Variants in OR3A1 observed in about 807,000 individuals in gnomAD.
OR3A1 encodes olfactory receptor family 3 subfamily A member 1.
For synonymous variants in OR3A1, 145 were observed against 160.0 expected (o/e 0.91, Z 0.71); for missense variants, 402 against 393.8 (o/e 1.02, Z -0.18).
At position 3,291,018 on chromosome 17, in the gene OR3A1, G is replaced by C. The variant is rs2048860521; in HGVS notation, c.*617C>G. The C allele has an allele frequency of 6.6e-6, 1 of 152,204 alleles. No homozygotes were observed. Among genetic ancestry groups the C allele is most frequent in the South Asian group, 2.1e-4 (1 of 4,830 alleles). 9.4% of individuals were successfully genotyped at this position (152,204 alleles called of 1,614,324 possible). ...TTAGCATTTGGAAACAAGTCTGTGA[G>C]CTGCACACAGGTATCAGGTGCTCCA... On this transcript the variant is annotated 3_prime_UTR_variant, in exon 2 of 2. Coordinates refer to ENST00000323404, the MANE Select transcript of OR3A1 (RefSeq NM_002550.3).
At position 3,291,739 on chromosome 17, in the gene OR3A1, T is replaced by C. The variant is rs553536558; in HGVS notation, c.844A>G (p.Thr282Ala). 37 of 1,613,800 alleles carry C rather than the reference T, an allele frequency of 2.3e-5. No individual in the cohort carries two copies. In the Middle Eastern group the frequency reaches 6.6e-4, roughly 29 times the overall value. Residue 282 changes from threonine (T) to alanine (A), a missense_variant, in exon 2 of 2, where the codon ACT becomes GCT. Physicochemically the swap from Thr to Ala is moderately conservative, Grantham distance 58. Coordinates refer to ENST00000323404, the MANE Select transcript of OR3A1 (RefSeq NM_002550.3). ...GGGTTCAGCATGGGATTGATGACAGTGTTGAAAATTCCAACAGCTTTATCC... is the reference window on the plus strand; with the variant it reads ...GGGTTCAGCATGGGATTGATGACAGCGTTGAAAATTCCAACAGCTTTATCC... ...DKDKAVGIFN[T>A]VINPMLNPII...
intron 1 of OR3A1, among the ~76,000 whole-genome samples, chr17:3,295,616 G>C (rs992647229): frequency 6.6e-6 from 1 of 151,776 alleles, no homozygotes; most frequent in African/African-American, 2.4e-5. Context: ...AAGCCGAGTG[G>C]GCCAAGCTCA....
In OR3A1 at chr17:3,292,309, T is replaced by C; in HGVS notation, c.274A>G (p.Lys92Glu). The change falls in exon 2 of 2, where the codon AAG (lysine) becomes GAG (glutamate). Residue 92 changes from lysine (K) to glutamate (E), a missense_variant. Physicochemically the swap from Lys to Glu is moderately conservative, Grantham distance 56 (BLOSUM62 1). Coordinates refer to ENST00000323404, the MANE Select transcript of OR3A1 (RefSeq NM_002550.3). ...PSMLSRLLSR[K>E]RAVPCGACLT... Reference sequence around the variant, plus strand: ...CAGGCCCCACAGGGAACTGCACGCTTGCGGGACAGGAGACGACTCAACATT... The same window carrying C: ...CAGGCCCCACAGGGAACTGCACGCTCGCGGGACAGGAGACGACTCAACATT... 6.2e-7 allele frequency: 1 copy of C among 1,613,816 alleles called. No homozygotes were observed. Among genetic ancestry groups the C allele is most frequent in the Non-Finnish European group, 8.5e-7 (1 of 1,179,948 alleles).
chr17:3,294,485 A>G (rs2048904311), intron 1 of OR3A1, among the ~76,000 whole-genome samples: 1 of 152,174 alleles, frequency 6.6e-6, no homozygotes, highest in African/African-American at 2.4e-5. Flanking sequence ...GAGTTACCAA[A>G]GGAGGAAATC....
rs61736316 is a variant in OR3A1 at position 3,292,305 on chromosome 17, C to G, written c.278G>C (p.Arg93Pro). ...SMLSRLLSRK[R>P]AVPCGACLTQ... ...AAGGCAGGCCCCACAGGGAACTGCA[C>G]GCTTGCGGGACAGGAGACGACTCAA... is the stretch of plus-strand genomic sequence containing the variant. Residue 93 changes from arginine (R) to proline (P), a missense_variant, in exon 2 of 2, where the codon CGT (arginine) becomes CCT (proline). Arg to Pro is a moderately radical substitution (Grantham distance 103, BLOSUM62 -2). Coordinates refer to ENST00000323404, the MANE Select transcript of OR3A1 (RefSeq NM_002550.3). 2 of 1,613,936 alleles carry G rather than the reference C, an allele frequency of 1.2e-6. No homozygotes were observed. The highest frequency in any genetic ancestry group is 2.7e-5 in the African/African-American group (2 of 74,880).
chr17:3,292,258 G>A lies in OR3A1; in HGVS notation c.325C>T (p.Leu109=). ...AGGAAGCAGTCCACTCCAACGAACA[G>A]ATGGAAGAAGAAGAGCTGGGTAAGG... ...ACLTQLFFFH[L]FVGVDCFLLT... Residue 109 remains leucine, a synonymous_variant, in exon 2 of 2, where the codon CTG becomes TTG. Transcript: ENST00000323404. The A allele has an allele frequency of 6.2e-7, 1 of 1,614,208 alleles. No individual in the cohort carries two copies. The highest frequency in any genetic ancestry group is 1.6e-4 in the Middle Eastern group (1 of 6,062).
intron 1 of OR3A1, among the ~76,000 whole-genome samples, chr17:3,296,956 C>T (rs2048923653): frequency 6.6e-6 from 1 of 152,216 alleles, no homozygotes; most frequent in African/African-American, 2.4e-5. Context: ...ATGGAAGGGG[C>T]ATAACATCTG....
chr17:3,295,739 C>T (rs758626846), intron 1 of OR3A1, among the ~76,000 whole-genome samples: 2 of 151,558 alleles, frequency 1.3e-5, no homozygotes, highest in Non-Finnish European at 2.9e-5. Flanking sequence ...TAAAGGAATA[C>T]CAGTCAGATG....
intron 1 of OR3A1, 104 bp from the exon 2 acceptor site, chr17:3,292,692 G>A (rs762863687): frequency 4.3e-5 from 40 of 919,650 alleles, no homozygotes; most frequent in Middle Eastern, 3.4e-4. Flanking sequence ...CCTCTGCCAC[G>A]TTCCCTCTGT....
chr17:3,294,782 G>T (rs1214817565), intron 1 of OR3A1, among the ~76,000 whole-genome samples: 1 of 152,140 alleles, frequency 6.6e-6, no homozygotes, highest in Non-Finnish European at 1.5e-5. Context: ...ATGTAATGAA[G>T]AACATGCCTG....
intron 1 of OR3A1, among the ~76,000 whole-genome samples, chr17:3,294,993 CTT>C (rs2048907920): frequency 6.6e-6 from 1 of 151,644 alleles, no homozygotes; most frequent in Admixed American, 6.6e-5. Flanking sequence ...AAGAAACAGA[CTT>C]CAGTCAACAA....
chr17:3,292,319 G>C lies in OR3A1; in HGVS notation c.264C>G (p.Leu88=). The change falls in exon 2 of 2, where the codon CTC becomes CTG. Residue 88 remains leucine, a synonymous_variant. Transcript: ENST00000323404. ...AGGGAACTGCACGCTTGCGGGACAG[G>C]AGACGACTCAACATTGATGGAACAG... The part of the protein sequence containing the change: ...SVTVPSMLSR[L]LSRKRAVPCG... 6.2e-7 allele frequency: 1 copy of C among 1,614,184 alleles called. No individual in the cohort carries two copies. The highest frequency in any genetic ancestry group is 8.5e-7 in the Non-Finnish European group (1 of 1,180,034).
intron 1 of OR3A1, among the ~76,000 whole-genome samples, chr17:3,294,582 A>G (rs1317163400): frequency 6.6e-6 from 1 of 152,244 alleles, no homozygotes; most frequent in Non-Finnish European, 1.5e-5. Context: ...AAAAGTGTAC[A>G]CTTTGTCCCA....
chr17:3,293,092 T>C lies in OR3A1; in HGVS notation c.-6-504A>G, dbSNP rs1317941910. 4.2e-5 allele frequency among the ~76,000 whole-genome samples: 6 copies of C among 144,484 alleles called. No individual in the cohort carries two copies. The East Asian group carries it at 1.2e-3, about 30-fold the overall frequency. 94.8% of individuals were successfully genotyped at this position (144,484 alleles called of 152,430 possible). A position where few individuals can be genotyped will look rare whatever the true frequency, so the allele number is the denominator to read the frequency against. ...GAACAGTAAAGATCAAATAGGAGAG[T>C]GACAAGAAGCAGAGAGAGGAAATCC... is the stretch of plus-strand genomic sequence containing the variant. On this transcript the variant is annotated intron_variant, in intron 1 of 1. Transcript: ENST00000323404.
At position 3,292,300 on chromosome 17, in the gene OR3A1, C is replaced by T; in HGVS notation, c.283G>A (p.Val95Ile). Residue 95 changes from valine (V) to isoleucine (I), a missense_variant, in exon 2 of 2, where the codon GTT becomes ATT. Physicochemically the swap from Val to Ile is conservative, Grantham distance 29. Coordinates refer to ENST00000323404, the MANE Select transcript of OR3A1 (RefSeq NM_002550.3). ...LSRLLSRKRA[V>I]PCGACLTQLF... Reference sequence around the variant, plus strand: ...TGGGTAAGGCAGGCCCCACAGGGAACTGCACGCTTGCGGGACAGGAGACGA... The same window carrying T: ...TGGGTAAGGCAGGCCCCACAGGGAATTGCACGCTTGCGGGACAGGAGACGA... The T allele has an allele frequency of 1.9e-6, 3 of 1,614,164 alleles. No individual in the cohort carries two copies. The highest frequency in any genetic ancestry group is 1.7e-6 in the Non-Finnish European group (2 of 1,180,014).
At chr17:3,294,179 TA>T (rs370174016) in intron 1 of OR3A1, among the ~76,000 whole-genome samples, 2,287 of 137,870 alleles carry the variant, frequency 0.017, 36 homozygotes, top group African/African-American at 0.052. Context: ...AAAAATAAAA[TA>T]AAAAAAAAAC....
chr17:3,291,845 G>A lies in OR3A1; in HGVS notation c.738C>T (p.Ser246=). 1 of 1,614,060 alleles carries A rather than the reference G, an allele frequency of 6.2e-7. No homozygotes were observed. Among genetic ancestry groups the A allele is most frequent in the Non-Finnish European group, 8.5e-7 (1 of 1,179,866 alleles). Residue 246 remains serine, a synonymous_variant, in exon 2 of 2, where the codon TCC becomes TCT. Coordinates refer to ENST00000323404, the MANE Select transcript of OR3A1 (RefSeq NM_002550.3). ...GRKKAFSTCG[S]HLTVVAIFYG... is the part of the protein sequence containing the mutation. ...AGAATATGGCAACCACAGTGAGGTG[G>A]GAGCCACATGTGGAGAAGGCTTTCT...
chr17:3,291,442 C>A lies in OR3A1; in HGVS notation c.*193G>T. 2.0e-6 allele frequency: 1 copy of A among 491,734 alleles called. No homozygotes were observed. Among genetic ancestry groups the A allele is most frequent in the Non-Finnish European group, 3.5e-6 (1 of 282,822 alleles). The allele number at this position is 491,734 out of a possible 1,614,324, so 30.5% of individuals were successfully genotyped here. On this transcript the variant is annotated 3_prime_UTR_variant, in exon 2 of 2. Coordinates refer to ENST00000323404, the MANE Select transcript of OR3A1 (RefSeq NM_002550.3). ...GAATTTGTCTAAGGGGCTGGCTTGG[C>A]AGATCCTATACACTCATTGCTTATA...
intron 1 of OR3A1, among the ~76,000 whole-genome samples, chr17:3,296,140 A>T (rs1028859425): frequency 6.6e-6 from 1 of 152,196 alleles, no homozygotes; most frequent in Admixed American, 6.5e-5. Context: ...CTTCAAAAGA[A>T]CAAATAATAC....
Sources: allele counts gnomAD v4.1 joint callset (sites outside exome capture counted in the v4.1 genomes callset), GRCh38; gene constraint gnomAD v4.1.1; transcripts MANE v1.5; gene names NCBI Gene and HGNC (gene_info 2026-07-23, HGNC 2026-07-21).